The following DACH2 variants were observed in gnomAD, a reference collection of about 807,000 sequenced individuals.
DACH2 encodes dachshund family transcription factor 2, also known as dachshund homolog 2.
A neutral mutation model predicts 35.8 loss-of-function variants in DACH2; 17 were observed. That is an observed-to-expected ratio of 0.48 (90% CI 0.33 to 0.71). The LOEUF is 0.71. Ranked by LOEUF, DACH2 falls within the 30% of genes least tolerant of loss-of-function variation. DACH2 has a pLI of 0.02. For missense variants in DACH2, 469 were observed against 472.7 expected (o/e 0.99, Z 0.07); for synonymous variants, 195 against 177.3 (o/e 1.10, Z -0.79).
intron 2 of DACH2, among the ~76,000 whole-genome samples, chrX:86,409,462 G>A (rs1420286809): frequency 2.7e-5 from 3 of 111,205 alleles, no homozygotes; most frequent in Non-Finnish European, 5.7e-5. Context: ...GAATGGTTTA[G>A]CACCATTCCT....
chrX:86,425,840 A>G (rs2036884867), intron 2 of DACH2, among the ~76,000 whole-genome samples: 1 of 110,777 alleles, frequency 9.0e-6, no homozygotes, highest in African/African-American at 3.3e-5. Flanking sequence ...ATGGGCTAGG[A>G]GGACAGCTCC....
intron 3 of DACH2, among the ~76,000 whole-genome samples, chrX:86,600,293 T>C (rs1305210735): frequency 8.9e-6 from 1 of 112,450 alleles, no homozygotes; most frequent in African/African-American, 3.2e-5. Flanking sequence ...TTCTCACCAA[T>C]TATGATTTTT....
chrX:86,482,884 G>A (rs1255360660), intron 2 of DACH2, among the ~76,000 whole-genome samples: 12 of 105,264 alleles, frequency 1.1e-4, no homozygotes, highest in Admixed American at 8.5e-4. Flanking sequence ...GTAAACTATC[G>A]CAAGAACAAA....
chrX:86,775,054 T>C (rs1274675846), intron 7 of DACH2, among the ~76,000 whole-genome samples: 5 of 111,377 alleles, frequency 4.5e-5, no homozygotes, highest in African/African-American at 1.3e-4. Context: ...ATAGTGTATT[T>C]AGGAACAATA....
chrX:86,580,236 G>C (rs1461038877), intron 3 of DACH2, among the ~76,000 whole-genome samples: 1 of 111,658 alleles, frequency 9.0e-6, no homozygotes, highest in East Asian at 2.8e-4. Flanking sequence ...CCCATTCAAA[G>C]GATAGCAACT....
chrX:86,423,219 A>G (rs765781228), intron 2 of DACH2, among the ~76,000 whole-genome samples: 1 of 110,917 alleles, frequency 9.0e-6, no homozygotes, highest in African/African-American at 3.3e-5. Context: ...TGGTAGCTCA[A>G]TCTGTAGTTT....
At chrX:86,723,705 G>C (rs1602853196) in intron 6 of DACH2, among the ~76,000 whole-genome samples, 1 of 111,658 alleles carries the variant, frequency 9.0e-6, no homozygotes, top group African/African-American at 3.3e-5. Context: ...TTGTTCTGTG[G>C]CCAAGTATGT....
At chrX:86,359,088 T>TGG (rs2035693262) in intron 1 of DACH2, among the ~76,000 whole-genome samples, 1 of 106,271 alleles carries the variant, frequency 9.4e-6, no homozygotes, top group African/African-American at 3.4e-5. Context: ...TTTTGTCGTG[T>TGG]GTGTGTGTGT....
intron 1 of DACH2, among the ~76,000 whole-genome samples, chrX:86,260,599 A>T (rs2033607682): frequency 8.9e-6 from 1 of 112,275 alleles, no homozygotes; most frequent in Non-Finnish European, 1.9e-5. Flanking sequence ...AATTTAATAA[A>T]TCTGTTCAAT....
chrX:86,250,973 G>A (rs1028783621), intron 1 of DACH2, among the ~76,000 whole-genome samples: 3 of 110,910 alleles, frequency 2.7e-5, no homozygotes, highest in African/African-American at 9.8e-5. Flanking sequence ...TTTCAATCAG[G>A]TGATTAACTT....
intron 3 of DACH2, among the ~76,000 whole-genome samples, chrX:86,610,413 CTTTCTT>C (rs1255985497): frequency 1.5e-5 from 1 of 68,188 alleles, no homozygotes; most frequent in African/African-American, 6.1e-5. Context: ...TTCTTTCTTT[CTTTCTT>C]TTCTTTCTTT....
At chrX:86,222,681 T>G (rs758963553) in intron 1 of DACH2, among the ~76,000 whole-genome samples, 26 of 110,685 alleles carry the variant, frequency 2.3e-4, no homozygotes, top group African/African-American at 8.6e-4. Flanking sequence ...AGACTTAATT[T>G]CACAATTTAC....
At chrX:86,191,175 C>T (rs2031824025) in intron 1 of DACH2, among the ~76,000 whole-genome samples, 1 of 111,462 alleles carries the variant, frequency 9.0e-6, no homozygotes, top group Non-Finnish European at 1.9e-5. Flanking sequence ...GACACATGCA[C>T]GTGTATGTTC....
intron 4 of DACH2, among the ~76,000 whole-genome samples, chrX:86,653,663 C>CTTT (rs34499664): frequency 1.3e-4 from 9 of 69,671 alleles, no homozygotes; most frequent in Non-Finnish European, 1.6e-4. Context: ...ATATAAAATC[C>CTTT]TTTTTTTTTT....
intron 7 of DACH2, among the ~76,000 whole-genome samples, chrX:86,764,810 C>T (rs914054938): frequency 1.8e-5 from 2 of 111,988 alleles, no homozygotes; most frequent in African/African-American, 6.5e-5. Context: ...CTCCAAATTG[C>T]CTTCCACAGT....
intron 1 of DACH2, among the ~76,000 whole-genome samples, chrX:86,330,708 G>A (rs1046052194): frequency 8.9e-6 from 1 of 111,973 alleles, no homozygotes; most frequent in East Asian, 2.8e-4. Context: ...ATCAAGGTAC[G>A]TAATTTGGGT....
chrX:86,821,054 A>G (rs1265878438), intron 11 of DACH2, among the ~76,000 whole-genome samples: 1 of 111,400 alleles, frequency 9.0e-6, no homozygotes, highest in Admixed American at 9.6e-5. Context: ...AGAGAAACTA[A>G]AAGGAGAACA....
At chrX:86,729,409 C>T (rs779617919) in intron 6 of DACH2, among the ~76,000 whole-genome samples, 2 of 111,473 alleles carry the variant, frequency 1.8e-5, no homozygotes, top group South Asian at 3.8e-4. Flanking sequence ...TTTATAGGCT[C>T]ATAGGTGGAA....
At chrX:86,451,141 C>T (rs762482157) in intron 2 of DACH2, among the ~76,000 whole-genome samples, 35 of 111,181 alleles carry the variant, frequency 3.1e-4, no homozygotes, top group African/African-American at 9.1e-4. Context: ...AATCTTTGCC[C>T]GTGCCTATGT....
Sources: gnomAD v4.1 joint callset for allele counts (sites outside exome capture counted in the v4.1 genomes callset) on GRCh38, gnomAD v4.1.1 for gene constraint, MANE v1.5 for transcripts, NCBI Gene and HGNC (gene_info 2026-07-23, HGNC 2026-07-21) for gene names.